PCCA: variants seen among roughly 807,000 people sequenced by gnomAD.
PCCA encodes propionyl-CoA carboxylase alpha chain, mitochondrial.
A neutral mutation model predicts 101.3 loss-of-function variants in PCCA; 74 were observed. The observed-to-expected ratio is 0.73, with a 90% CI of 0.61 to 0.89. The LOEUF (loss-of-function observed/expected upper bound fraction) is 0.89, where lower values mean the gene tolerates loss of function less well. Ranked by LOEUF, PCCA falls within the 40% of genes least tolerant of loss-of-function variation. PCCA has a pLI of 0.00. For missense variants in PCCA, 891 were observed against 907.0 expected (o/e 0.98, Z 0.23); for synonymous variants, 294 against 313.6 (o/e 0.94, Z 0.66).
chr13:100,277,340 C>T (rs1161857103), intron 12 of PCCA, among the ~76,000 whole-genome samples: 1 of 151,884 alleles, frequency 6.6e-6, no homozygotes, highest in Non-Finnish European at 1.5e-5. Context: ...TCCTTTTTTC[C>T]TGGAATGGCA....
intron 22 of PCCA, 24 bp downstream of exon 22, chr13:100,515,591 G>A: frequency 6.2e-7 from 1 of 1,611,606 alleles, no homozygotes; most frequent in East Asian, 2.2e-5. Context: ...GTGTCTCTCT[G>A]CAGGACATGC....
chr13:100,150,655 G>A lies in PCCA; in HGVS notation c.301-4324G>A, dbSNP rs1009035439. On this transcript the variant is annotated intron_variant, in intron 4 of 23. Transcript: ENST00000376285. ...GGACTGATTTGGTGATCCATTAGGT[G>A]TCAGGATTTCTTCTGATAGCTTTAT... 12 of 1,360,516 alleles carry A rather than the reference G, an allele frequency of 8.8e-6. No homozygotes were observed. In the African/African-American group the frequency reaches 1.7e-4, roughly 19 times the overall value. 84.3% of individuals were successfully genotyped at this position (1,360,516 alleles called of 1,614,324 possible).
intron 18 of PCCA, among the ~76,000 whole-genome samples, chr13:100,346,407 G>C (rs892062885): frequency 6.6e-6 from 1 of 152,172 alleles, no homozygotes; most frequent in Non-Finnish European, 1.5e-5. Flanking sequence ...AACTAGAAGT[G>C]GAACCTGAAG....
At position 100,249,879 on chromosome 13, in the gene PCCA, A is replaced by G. The variant is rs2061653493; in HGVS notation, c.638-7716A>G. Among the ~76,000 whole-genome samples the G allele has an allele frequency of 3.3e-5, 5 of 152,202 alleles. No homozygotes were observed. The South Asian group carries it at 1.0e-3, about 32-fold the overall frequency. ...AATTCCAGTTGTTCACTGCTGGTAT[A>G]TAGGAATGTGATAATCTTTTGTATA... On this transcript the variant is annotated intron_variant, in intron 8 of 23. Transcript: ENST00000376285.
chr13:100,419,686 G>C (rs1049408261), intron 19 of PCCA, among the ~76,000 whole-genome samples: 14 of 152,380 alleles, frequency 9.2e-5, no homozygotes, highest in Admixed American at 9.1e-4. Flanking sequence ...CGAGACGCCA[G>C]TGTAGACTGA....
At chr13:100,491,236 A>G (rs956894580) in intron 21 of PCCA, 2 of 158,922 alleles carry the variant, frequency 1.3e-5, no homozygotes, top group Admixed American at 6.4e-5. Context: ...GTTATGAGAT[A>G]GAATTATATA....
intron 4 of PCCA, among the ~76,000 whole-genome samples, chr13:100,120,230 G>A (rs1178395132): frequency 1.3e-5 from 2 of 149,492 alleles, no homozygotes; most frequent in Admixed American, 6.7e-5. Context: ...CCAGGCTGGA[G>A]TGCAGTGGTG....
At chr13:100,404,210 C>G (rs1262929223) in intron 19 of PCCA, among the ~76,000 whole-genome samples, 1 of 152,092 alleles carries the variant, frequency 6.6e-6, no homozygotes, top group African/African-American at 2.4e-5. Flanking sequence ...GTAAAGATAG[C>G]TAAAAAATTA....
chr13:100,241,550 A>G (rs1296097906), intron 8 of PCCA, among the ~76,000 whole-genome samples: 1 of 152,120 alleles, frequency 6.6e-6, no homozygotes, highest in Non-Finnish European at 1.5e-5. Context: ...AGCTCACTGC[A>G]GCTTTAATCT....
chr13:100,199,646 T>C (rs2058350824), intron 6 of PCCA, among the ~76,000 whole-genome samples: 1 of 152,232 alleles, frequency 6.6e-6, no homozygotes, highest in Non-Finnish European at 1.5e-5. Flanking sequence ...CTTTTTAAGA[T>C]ATAAGCAGAC....
chr13:100,515,555 G>GCCTGGAGA lies in PCCA; in HGVS notation c.2030_2037dup (p.Ala680LeufsTer5). ...GAGTGGTGGTGGCCGTCTCTGTCAA[G>GCCTGGAGA]CCTGGAGACGCGGTAAGGGCTGTGT... On this transcript the variant is annotated frameshift_variant, in exon 22 of 24. Transcript: ENST00000376285. LOFTEE classifies it high-confidence loss of function. 6.2e-7 allele frequency: 1 copy of GCCTGGAGA among 1,613,830 alleles called. No individual in the cohort carries two copies. Among genetic ancestry groups the GCCTGGAGA allele is most frequent in the Non-Finnish European group, 8.5e-7 (1 of 1,179,970 alleles).
intron 16 of PCCA, among the ~76,000 whole-genome samples, chr13:100,329,384 A>G (rs181515375): frequency 2.1e-3 from 326 of 152,236 alleles, no homozygotes; most frequent in Non-Finnish European, 2.5e-3. Flanking sequence ...TGGTTCAAGA[A>G]GTTTTGCAAA....
At chr13:100,250,386 C>T (rs1478822650) in intron 8 of PCCA, among the ~76,000 whole-genome samples, 1 of 152,056 alleles carries the variant, frequency 6.6e-6, no homozygotes, top group Admixed American at 6.5e-5. Context: ...GTTGAATCAG[C>T]TTTGCATACC....
chr13:100,176,496 G>C (rs1034940127), intron 6 of PCCA, among the ~76,000 whole-genome samples: 1 of 152,188 alleles, frequency 6.6e-6, no homozygotes, highest in African/African-American at 2.4e-5. Flanking sequence ...GTTTCTGTGT[G>C]TTTGTATGAT....
intron 21 of PCCA, among the ~76,000 whole-genome samples, chr13:100,462,194 G>A (rs1324813043): frequency 6.6e-6 from 1 of 152,140 alleles, no homozygotes; most frequent in Non-Finnish European, 1.5e-5. Context: ...CTTGAACATT[G>A]TTTCTGTGGT....
intron 6 of PCCA, among the ~76,000 whole-genome samples, chr13:100,162,263 A>C (rs920178432): frequency 1.3e-5 from 2 of 152,186 alleles, no homozygotes; most frequent in Admixed American, 6.5e-5. Flanking sequence ...TTTAAAAATA[A>C]GTATGGAATA....
intron 4 of PCCA, among the ~76,000 whole-genome samples, chr13:100,132,527 G>A (rs2050653683): frequency 6.6e-6 from 1 of 152,194 alleles, no homozygotes; most frequent in Non-Finnish European, 1.5e-5. Flanking sequence ...GTTGCATTGT[G>A]TGGATGCACA....
At chr13:100,375,868 G>C (rs1256409224) in intron 19 of PCCA, among the ~76,000 whole-genome samples, 3 of 152,180 alleles carry the variant, frequency 2.0e-5, no homozygotes, top group African/African-American at 7.2e-5. Flanking sequence ...AGAGTGAAGA[G>C]CCAACAGTGT....
rs752423629 is a variant in PCCA, at chr13:100,089,138, C to T, written c.18C>T (p.Val6=). 1 of 1,508,840 alleles carries T rather than the reference C, an allele frequency of 6.6e-7. No homozygotes were observed. Among genetic ancestry groups the T allele is most frequent in the Non-Finnish European group, 8.9e-7 (1 of 1,127,518 alleles). The allele number at this position is 1,508,840 out of a possible 1,614,324, so 93.5% of individuals were successfully genotyped here. Residue 6 remains valine, a synonymous_variant, in exon 1 of 24, where the codon GTC becomes GTT. Coordinates refer to ENST00000376285, the MANE Select transcript of PCCA (RefSeq NM_000282.4). The part of the protein sequence containing the change: MAGFW[V]GTAPLVAAGR... Reference sequence around the variant, plus strand: ...GGACAACAATGGCGGGGTTCTGGGTCGGGACAGCACCGCTGGTCGCTGCCG... The same window carrying T: ...GGACAACAATGGCGGGGTTCTGGGTTGGGACAGCACCGCTGGTCGCTGCCG...
Sources: gnomAD v4.1 joint callset for allele counts (sites outside exome capture counted in the v4.1 genomes callset) on GRCh38, gnomAD v4.1.1 for gene constraint, MANE v1.5 for transcripts, NCBI Gene and HGNC (gene_info 2026-07-23, HGNC 2026-07-21) for gene names.